Variants in DPP10 observed in about 807,000 individuals in gnomAD.
DPP10 encodes inactive dipeptidyl peptidase 10.
Under a neutral mutation model 120.9 loss-of-function variants are expected in DPP10, and 33 were observed. The observed-to-expected ratio is 0.27, with a 90% CI of 0.21 to 0.37. The LOEUF (loss-of-function observed/expected upper bound fraction) is 0.37, where lower values mean the gene tolerates loss of function less well. Among genes scored for constraint, DPP10 ranks in the 10% least tolerant of loss-of-function variants. The probability of loss-of-function intolerance (pLI) is 1.00; values close to 1 mark genes in which losing one functional copy is unlikely to be tolerated. For synonymous variants in DPP10, 337 were observed against 326.1 expected (o/e 1.03, Z -0.36); for missense variants, 816 against 942.8 (o/e 0.87, Z 1.76).
Position 115,814,996 on chromosome 2 carries a change from A to G in DPP10, c.1895+9A>G, listed in dbSNP as rs765433547. Reference sequence around the variant, plus strand: ...CAAATAACAGCTGTGAAGTAAGTGGATGCACATTTTTCTTCTCTGTTTTCT... The same window carrying G: ...CAAATAACAGCTGTGAAGTAAGTGGGTGCACATTTTTCTTCTCTGTTTTCT... On this transcript the variant is annotated intron_variant, in intron 20 of 25. Coordinates refer to ENST00000410059, the MANE Select transcript of DPP10 (RefSeq NM_020868.6). The G allele has an allele frequency of 2.0e-5, 31 of 1,578,756 alleles. No homozygotes were observed. The East Asian group carries it at 6.1e-4, about 31-fold the overall frequency.
chr2:115,379,210 A>T (rs895294627), intron 3 of DPP10, among the ~76,000 whole-genome samples: 1 of 152,172 alleles, frequency 6.6e-6, no homozygotes, highest in Non-Finnish European at 1.5e-5. Context: ...TAAGCTATTG[A>T]TTATTGCCAC....
At chr2:115,037,110 G>A (rs1266761772) in intron 1 of DPP10, among the ~76,000 whole-genome samples, 3 of 152,108 alleles carry the variant, frequency 2.0e-5, no homozygotes, top group African/African-American at 7.2e-5. Flanking sequence ...TGAGATTCAG[G>A]GAGCAGCATA....
At chr2:115,794,795 A>G (rs1456794127) in intron 19 of DPP10, among the ~76,000 whole-genome samples, 1 of 152,118 alleles carries the variant, frequency 6.6e-6, no homozygotes, top group Non-Finnish European at 1.5e-5. Context: ...TATTCTATAC[A>G]CATCTGTATT....
At chr2:115,187,369 C>T (rs929996991) in intron 1 of DPP10, among the ~76,000 whole-genome samples, 1 of 152,112 alleles carries the variant, frequency 6.6e-6, no homozygotes, top group African/African-American at 2.4e-5. Context: ...TAAAGAGAAA[C>T]AAATCCAGCT....
intron 3 of DPP10, among the ~76,000 whole-genome samples, chr2:115,460,595 T>C (rs1387905760): frequency 1.3e-5 from 2 of 152,210 alleles, no homozygotes; most frequent in Non-Finnish European, 2.9e-5. Flanking sequence ...TGCCTGTAGA[T>C]TTTCTTAGAA....
Position 114,633,739 on chromosome 2 carries a change from G to A in DPP10, c.60+190901G>A, listed in dbSNP as rs919825977. ...AGCAATTCTCCTGCCTCAGCCTCCC[G>A]ATTAGCTGGATTACAGGTGCACACC... On this transcript the variant is annotated intron_variant, in intron 1 of 25. Transcript: ENST00000410059. 7.9e-5 allele frequency among the ~76,000 whole-genome samples: 12 copies of A among 151,458 alleles called. No homozygotes were observed. In the East Asian group the frequency reaches 1.5e-3, roughly 19 times the overall value.
At chr2:115,706,119 A>G (rs374529045) in intron 7 of DPP10, among the ~76,000 whole-genome samples, 2 of 151,946 alleles carry the variant, frequency 1.3e-5, no homozygotes, top group African/African-American at 4.8e-5. Flanking sequence ...AGGAAATACA[A>G]TGTCACATAA....
rs1247563197 is a variant in DPP10, at chr2:114,870,665, A to G, written c.60+427827A>G. On this transcript the variant is annotated intron_variant, in intron 1 of 25. Transcript: ENST00000410059. ...AAAAAAAATATTTTGATAATATCAC[A>G]AAAGAGGATGAGTTTCTGTTTTTAC... 2.9e-5 allele frequency among the ~76,000 whole-genome samples: 4 copies of G among 135,650 alleles called. 1 individual carries two copies. Among genetic ancestry groups the G allele is most frequent in the East Asian group, 6.5e-4 (2 of 3,096 alleles). 89.0% of individuals were successfully genotyped at this position (135,650 alleles called of 152,430 possible).
At chr2:114,653,958 G>T (rs746637787) in intron 1 of DPP10, among the ~76,000 whole-genome samples, 1 of 151,980 alleles carries the variant, frequency 6.6e-6, no homozygotes, top group Non-Finnish European at 1.5e-5. Context: ...ATCTCTTGGG[G>T]GTAATCCATA....
chr2:115,606,276 A>G (rs1273878017), intron 5 of DPP10, among the ~76,000 whole-genome samples: 1 of 152,198 alleles, frequency 6.6e-6, no homozygotes, highest in Non-Finnish European at 1.5e-5. Flanking sequence ...CTCAAGCATT[A>G]GACCTTTATT....
intron 5 of DPP10, among the ~76,000 whole-genome samples, chr2:115,630,314 G>A (rs1400892755): frequency 6.6e-6 from 1 of 152,040 alleles, no homozygotes; most frequent in Non-Finnish European, 1.5e-5. Flanking sequence ...GACTGAGACA[G>A]TTGGGGTTTT....
intron 7 of DPP10, among the ~76,000 whole-genome samples, chr2:115,697,829 CA>C (rs1382161813): frequency 6.6e-6 from 1 of 151,856 alleles, no homozygotes; most frequent in Admixed American, 6.6e-5. Context: ...ACTAAAAATA[CA>C]AAAAATTAGC....
chr2:115,071,679 T>TAA (rs145997087), intron 1 of DPP10, among the ~76,000 whole-genome samples: 23 of 146,648 alleles, frequency 1.6e-4, no homozygotes, highest in East Asian at 8.0e-4. Context: ...TATATTTATT[T>TAA]AAAAAAAAAA....
chr2:115,625,540 T>C (rs1326447449), intron 5 of DPP10, among the ~76,000 whole-genome samples: 3 of 152,118 alleles, frequency 2.0e-5, no homozygotes, highest in African/African-American at 4.8e-5. Context: ...AGTTAAATAG[T>C]TGTGGGCAGT....
intron 17 of DPP10, among the ~76,000 whole-genome samples, chr2:115,787,130 A>G (rs1683435664): frequency 6.6e-6 from 1 of 152,238 alleles, no homozygotes; most frequent in African/African-American, 2.4e-5. Context: ...TGCCTGCAAC[A>G]TATGCCAGAA....
At chr2:114,839,493 T>C (rs898319495) in intron 1 of DPP10, among the ~76,000 whole-genome samples, 1 of 152,176 alleles carries the variant, frequency 6.6e-6, no homozygotes, top group African/African-American at 2.4e-5. Flanking sequence ...TTACTGCCTA[T>C]TGGGAGAAAA....
intron 4 of DPP10, among the ~76,000 whole-genome samples, chr2:115,511,762 C>A (rs753127599): frequency 4.6e-5 from 6 of 130,794 alleles, no homozygotes; most frequent in Admixed American, 9.0e-5. Context: ...GGGTCTCACT[C>A]TGTTACCTAG....
intron 1 of DPP10, among the ~76,000 whole-genome samples, chr2:114,466,723 A>G (rs1176439977): frequency 1.3e-5 from 2 of 152,180 alleles, no homozygotes; most frequent in Non-Finnish European, 2.9e-5. Flanking sequence ...ATAATATAGA[A>G]CGTAAGCAAT....
intron 1 of DPP10, among the ~76,000 whole-genome samples, chr2:114,696,834 G>A (rs1191924284): frequency 6.6e-6 from 1 of 151,696 alleles, no homozygotes; most frequent in Admixed American, 6.6e-5. Flanking sequence ...TATCATGGTC[G>A]AAGAATGGGC....
Sources: allele counts gnomAD v4.1 joint callset (sites outside exome capture counted in the v4.1 genomes callset), GRCh38; gene constraint gnomAD v4.1.1; transcripts MANE v1.5; gene names NCBI Gene and HGNC (gene_info 2026-07-23, HGNC 2026-07-21).